The following SDC4 variants were observed in gnomAD, a reference collection of about 807,000 sequenced individuals.
SDC4 encodes the protein syndecan-4.
In SDC4, 17 loss-of-function variants were observed where a neutral mutation model predicts 20.5. The ratio of observed to expected loss-of-function variants is 0.83; its 90% CI spans 0.57 to 1.25. SDC4 has a LOEUF of 1.25. Among genes scored for constraint, SDC4 ranks in the 50% most tolerant of loss-of-function variants. SDC4 has a pLI of 0.00. For synonymous variants in SDC4, 107 were observed against 105.3 expected, an observed-to-expected ratio of 1.02 and a Z score of -0.10; for missense variants, 241 against 252.3, an observed-to-expected ratio of 0.96 and a Z score of 0.30.
rs532685450 is a variant in SDC4 at position 45,344,245 on chromosome 20, A to C, written c.60+4080T>G. Among the ~76,000 whole-genome samples, 31 of 152,298 alleles carry C rather than the reference A, an allele frequency of 2.0e-4. No homozygotes were observed. In the South Asian group the frequency reaches 6.4e-3, roughly 32 times the overall value. ...CAATGTCAAAGTCTACATGCAGGCA[A>C]GGGGCTGTGAAAGTGCGGGACCTAG... On this transcript the variant is annotated intron_variant, in intron 1 of 4. Coordinates refer to ENST00000372733, the MANE Select transcript of SDC4 (RefSeq NM_002999.4).
At chr20:45,347,032 T>C (rs1568910186) in intron 1 of SDC4, among the ~76,000 whole-genome samples, 1 of 152,108 alleles carries the variant, frequency 6.6e-6, no homozygotes, top group African/African-American at 2.4e-5. Context: ...ACAGTAAGAT[T>C]GTTGTTGGAA....
rs760183533 is a variant in SDC4, at chr20:45,327,268, G to A, written c.593C>T (p.Ala198Val). 1.7e-5 allele frequency: 28 copies of A among 1,614,036 alleles called. No individual in the cohort carries two copies. In the Admixed American group the frequency reaches 2.0e-4, roughly 12 times the overall value. The change falls in exon 5 of 5, where the codon GCG becomes GTG. Residue 198 changes from alanine (A) to valine (V), a missense_variant. Ala to Val is a moderately conservative substitution (Grantham distance 64). Transcript: ENST00000372733. ...GCCAGTGCCCACAAGCAAGCTTCAC[G>A]CGTAGAACTCATTGGTGGGGGCTTT... ...YKKAPTNEFY[A>V]
At chr20:45,330,674 G>A (rs926970468) in intron 3 of SDC4, 110 bp from the exon 4 acceptor site, 2 of 902,344 alleles carry the variant, frequency 2.2e-6, no homozygotes, top group East Asian at 2.6e-5. Context: ...ATATTCAGCT[G>A]AACCATATGG....
At chr20:45,339,828 G>T (rs1987929465) in intron 1 of SDC4, among the ~76,000 whole-genome samples, 1 of 152,182 alleles carries the variant, frequency 6.6e-6, no homozygotes, top group Admixed American at 6.5e-5. Context: ...GTGCCTGGGG[G>T]TTTAGAGATA....
intron 3 of SDC4, among the ~76,000 whole-genome samples, chr20:45,331,199 T>C (rs1312125463): frequency 6.6e-6 from 1 of 152,118 alleles, no homozygotes; most frequent in Non-Finnish European, 1.5e-5. Flanking sequence ...GCAGCACTGA[T>C]TGGAGGACTT....
intron 1 of SDC4, among the ~76,000 whole-genome samples, chr20:45,341,506 C>G (rs1987952168): frequency 6.6e-6 from 1 of 152,122 alleles, no homozygotes. Context: ...TGACAGTGAC[C>G]AGAAACACCT....
At chr20:45,336,699 T>C (rs1384452289) in intron 1 of SDC4, among the ~76,000 whole-genome samples, 1 of 152,034 alleles carries the variant, frequency 6.6e-6, no homozygotes, top group Non-Finnish European at 1.5e-5. Context: ...GGCAGCTGAT[T>C]CACACAGGAC....
chr20:45,333,124 C>T, intron 2 of SDC4, 55 bp from the exon 3 acceptor site: 1 of 1,550,004 alleles, frequency 6.5e-7, no homozygotes, highest in Non-Finnish European at 8.9e-7. Context: ...GAAAATGACC[C>T]CTTCAGCCAG....
rs145108070 is a variant in SDC4 at position 45,340,669 on chromosome 20, C to T, written c.61-4749G>A. Among the ~76,000 whole-genome samples, 65 of 152,338 alleles carry T rather than the reference C, an allele frequency of 4.3e-4. No homozygotes were observed. In the East Asian group the frequency reaches 6.9e-3, roughly 16 times the overall value. ...ACTGTGAACTAATGAGAGCCTCTCC[C>T]GACCTGGCTCCTCCCCAGGGGAGGT... is the stretch of plus-strand genomic sequence containing the variant. On this transcript the variant is annotated intron_variant, in intron 1 of 4. Coordinates refer to ENST00000372733, the MANE Select transcript of SDC4 (RefSeq NM_002999.4).
intron 4 of SDC4, among the ~76,000 whole-genome samples, chr20:45,329,948 C>A (rs1369067237): frequency 6.6e-6 from 1 of 152,126 alleles, no homozygotes; most frequent in Non-Finnish European, 1.5e-5. Context: ...AGCTTCTCAG[C>A]CAAGGTCACA....
At chr20:45,330,883 C>T (rs990023011) in intron 3 of SDC4, among the ~76,000 whole-genome samples, 2 of 152,208 alleles carry the variant, frequency 1.3e-5, no homozygotes, top group Non-Finnish European at 1.5e-5. Context: ...CCTTAGACAT[C>T]GCTTGCCCTT....
intron 1 of SDC4, among the ~76,000 whole-genome samples, chr20:45,338,504 C>A (rs1987907144): frequency 6.6e-6 from 1 of 152,164 alleles, no homozygotes; most frequent in Non-Finnish European, 1.5e-5. Context: ...CCCCTCACTG[C>A]CCCCAGGAGC....
chr20:45,346,207 G>A (rs1303911856), intron 1 of SDC4, among the ~76,000 whole-genome samples: 1 of 152,164 alleles, frequency 6.6e-6, no homozygotes, highest in Non-Finnish European at 1.5e-5. Context: ...CATCTCTTCA[G>A]TCCGAGCCAA....
intron 3 of SDC4, among the ~76,000 whole-genome samples, chr20:45,332,466 A>G (rs1987792792): frequency 6.6e-6 from 1 of 151,686 alleles, no homozygotes; most frequent in Non-Finnish European, 1.5e-5. Context: ...CGGCCTATAT[A>G]TATACTTTTC....
At chr20:45,335,690 T>C (rs1196706314) in intron 2 of SDC4, 92 bp downstream of exon 2, 1 of 1,386,170 alleles carries the variant, frequency 7.2e-7, no homozygotes, top group East Asian at 2.3e-5. Flanking sequence ...CCCACAAAAA[T>C]CCAAGTCTCA....
At chr20:45,329,533 C>T (rs1987744102) in intron 4 of SDC4, among the ~76,000 whole-genome samples, 1 of 152,342 alleles carries the variant, frequency 6.6e-6, no homozygotes, top group Middle Eastern at 3.4e-3. Flanking sequence ...TCCCAGGAAC[C>T]CTCTTTACAA....
At chr20:45,335,188 T>A (rs926411708) in intron 2 of SDC4, among the ~76,000 whole-genome samples, 3 of 151,512 alleles carry the variant, frequency 2.0e-5, no homozygotes, top group African/African-American at 7.3e-5. Flanking sequence ...CTTTTCCTTT[T>A]TTGTTTTGAG....
At chr20:45,341,733 T>G (rs1357113221) in intron 1 of SDC4, among the ~76,000 whole-genome samples, 1 of 152,078 alleles carries the variant, frequency 6.6e-6, no homozygotes, top group Non-Finnish European at 1.5e-5. Flanking sequence ...GGCCTGGCAC[T>G]GCCTGCAACC....
At chr20:45,330,312 C>CCG in intron 4 of SDC4, 54 bp downstream of exon 4, 1 of 1,529,956 alleles carries the variant, frequency 6.5e-7, no homozygotes, top group Admixed American at 1.7e-5. Flanking sequence ...GTGCTCTCCC[C>CCG]CGCTGAGCCC....
Sources: allele counts gnomAD v4.1 joint callset (sites outside exome capture counted in the v4.1 genomes callset), GRCh38; gene constraint gnomAD v4.1.1; transcripts MANE v1.5; gene names NCBI Gene and HGNC (gene_info 2026-07-23, HGNC 2026-07-21).